XKR9: variants seen among roughly 807,000 people sequenced by gnomAD.
XKR9 encodes XK-related protein 9.
In XKR9, 32 loss-of-function variants were observed where a neutral mutation model predicts 32.0. The observed-to-expected ratio is 1.00, with a 90% CI of 0.76 to 1.34. The LOEUF (loss-of-function observed/expected upper bound fraction) is 1.34, where lower values mean the gene tolerates loss of function less well. Among genes scored for constraint, XKR9 ranks in the 40% most tolerant of loss-of-function variants. The pLI, the probability that XKR9 is intolerant of heterozygous loss-of-function variation, is 0.00. For missense variants in XKR9, 546 were observed against 429.7 expected (o/e 1.27, Z -2.39); for synonymous variants, 168 against 143.4 (o/e 1.17, Z -1.22).
intron 2 of XKR9, among the ~76,000 whole-genome samples, chr8:70,763,528 T>C (rs1040354494): frequency 6.6e-6 from 1 of 152,224 alleles, no homozygotes; most frequent in African/African-American, 2.4e-5. Flanking sequence ...GCAGTTCTCA[T>C]TAATGTAATT....
At chr8:70,814,298 G>T in the XKR9 span, among the ~76,000 whole-genome samples, 6 of 151,946 alleles carry the variant, frequency 3.9e-5, no homozygotes, top group Non-Finnish European at 8.8e-5. Context: ...GTTGTGGGGT[G>T]GGGGAAAGGG....
chr8:70,755,703 G>C (rs528168395), intron 2 of XKR9, among the ~76,000 whole-genome samples: 5 of 137,608 alleles, frequency 3.6e-5, no homozygotes, highest in African/African-American at 1.3e-4. Context: ...GATGGGAATT[G>C]AATAATGAGA....
At chr8:70,930,796 T>C in the XKR9 span, among the ~76,000 whole-genome samples, 1 of 152,178 alleles carries the variant, frequency 6.6e-6, no homozygotes, top group Non-Finnish European at 1.5e-5. Context: ...TTTTTAGCAG[T>C]GTCTATCTAA....
intron 2 of XKR9, among the ~76,000 whole-genome samples, chr8:70,775,747 ATTT>A (rs35457458): frequency 6.9e-6 from 1 of 144,780 alleles, no homozygotes; most frequent in Non-Finnish European, 1.5e-5. Context: ...AATATTGGTC[ATTT>A]TTTTTTTTTT....
chr8:71,048,580 G>C, the XKR9 span, among the ~76,000 whole-genome samples: 19 of 152,226 alleles, frequency 1.2e-4, no homozygotes, highest in African/African-American at 4.6e-4. Flanking sequence ...CAAAATATCT[G>C]GATGTTAACT....
At chr8:70,992,872 G>C in the XKR9 span, among the ~76,000 whole-genome samples, 2 of 152,194 alleles carry the variant, frequency 1.3e-5, no homozygotes, top group African/African-American at 2.4e-5. Flanking sequence ...TCCAGCTCTT[G>C]AGACACTAGC....
chr8:70,973,277 C>A, the XKR9 span, among the ~76,000 whole-genome samples: 2 of 103,196 alleles, frequency 1.9e-5, no homozygotes, highest in Non-Finnish European at 4.7e-5. Flanking sequence ...CCTTGAATAA[C>A]CTTCTGTATT....
At chr8:70,795,017 G>A (rs969523540), downstream of XKR9, among the ~76,000 whole-genome samples, 1 of 151,890 alleles carries the variant, frequency 6.6e-6, no homozygotes, top group Non-Finnish European at 1.5e-5. Context: ...TTCAGGGCAG[G>A]TTTGCTATAT....
At chr8:70,831,525 C>A in the XKR9 span, among the ~76,000 whole-genome samples, 1 of 152,116 alleles carries the variant, frequency 6.6e-6, no homozygotes, top group Non-Finnish European at 1.5e-5. Context: ...ACTTCTCCTT[C>A]ATCTCTTCTC....
intron 3 of XKR9, among the ~76,000 whole-genome samples, chr8:70,704,724 A>G (rs1454863826): frequency 2.6e-5 from 4 of 152,194 alleles, no homozygotes; most frequent in Admixed American, 1.3e-4. Context: ...TTTCAATAGT[A>G]TCTACCCTAT....
At position 70,733,909 on chromosome 8, in the gene XKR9, A is replaced by G; in HGVS notation, c.607A>G (p.Ile203Val). 6.2e-7 allele frequency: 1 copy of G among 1,612,992 alleles called. No homozygotes were observed. Among genetic ancestry groups the G allele is most frequent in the Non-Finnish European group, 8.5e-7 (1 of 1,179,742 alleles). The change falls in exon 5 of 5, where the codon ATC (isoleucine) becomes GTC (valine). Residue 203 changes from isoleucine (I) to valine (V), a missense_variant. Transcript: ENST00000408926. ...GCTTCTTAATGGATTATGTCCCAAA[A>G]TCACATATCTCTTTTACAAGTTGTT... The part of the protein sequence containing the change: ...KKLLNGLCPK[I>V]TYLFYKLFTL...
intron 4 of XKR9, among the ~76,000 whole-genome samples, chr8:70,723,174 G>A (rs1806340511): frequency 6.6e-6 from 1 of 152,014 alleles, no homozygotes. Flanking sequence ...TCTCTAAACT[G>A]ATTATTCTAG....
At chr8:71,033,471 G>A in the XKR9 span, among the ~76,000 whole-genome samples, 3 of 152,108 alleles carry the variant, frequency 2.0e-5, no homozygotes, top group South Asian at 4.1e-4. Flanking sequence ...TTGTGGCAGT[G>A]CTATGGTTTG....
At chr8:70,993,568 C>T in the XKR9 span, among the ~76,000 whole-genome samples, 1 of 151,582 alleles carries the variant, frequency 6.6e-6, no homozygotes, top group Non-Finnish European at 1.5e-5. Context: ...CCTTACTCTA[C>T]TAAGGATGAG....
the XKR9 span, among the ~76,000 whole-genome samples, chr8:70,857,071 A>C: frequency 1.3e-5 from 2 of 152,210 alleles, no homozygotes; most frequent in African/African-American, 2.4e-5. Context: ...GAACTAGAGA[A>C]GCAAGAGCAA....
At chr8:70,675,072 A>T (rs1427066896) in intron 2 of XKR9, among the ~76,000 whole-genome samples, 173 bp downstream of exon 2, 1 of 152,168 alleles carries the variant, frequency 6.6e-6, no homozygotes, top group African/African-American at 2.4e-5. Context: ...ATTGGATTGA[A>T]ACCGTTTGTG....
intron 2 of XKR9, among the ~76,000 whole-genome samples, chr8:70,758,865 AC>A (rs1460622051): frequency 6.6e-6 from 1 of 152,178 alleles, no homozygotes; most frequent in African/African-American, 2.4e-5. Context: ...ATATGGCCTT[AC>A]CATACTGGCC....
chr8:70,966,766 AG>A, the XKR9 span, among the ~76,000 whole-genome samples: 1 of 152,172 alleles, frequency 6.6e-6, no homozygotes, highest in East Asian at 1.9e-4. Context: ...GTCTCTTTGT[AG>A]GTCTCTAACA....
chr8:70,862,844 G>C, the XKR9 span, among the ~76,000 whole-genome samples: 22 of 152,118 alleles, frequency 1.4e-4, no homozygotes, highest in African/African-American at 5.3e-4. Context: ...GGTACTGAGA[G>C]AAAGTATATT....
Sources: gnomAD v4.1 joint callset for allele counts (sites outside exome capture counted in the v4.1 genomes callset) on GRCh38, gnomAD v4.1.1 for gene constraint, MANE v1.5 for transcripts, NCBI Gene and HGNC (gene_info 2026-07-23, HGNC 2026-07-21) for gene names.